The following ZNF382 variants were observed in gnomAD, a reference collection of about 807,000 sequenced individuals.
The protein encoded by ZNF382 is zinc finger protein 382.
ZNF382 carries 20 observed loss-of-function variants against 38.8 expected under a neutral mutation model. That is an observed-to-expected ratio of 0.51 (90% confidence interval 0.36 to 0.75). The LOEUF is 0.75. Ranked by LOEUF, ZNF382 falls within the 30% of genes least tolerant of loss-of-function variation. The pLI is 0.00. For missense variants in ZNF382, 546 were observed against 654.1 expected (o/e 0.83, Z 1.80); for synonymous variants, 202 against 223.1 (o/e 0.91, Z 0.84).
intron 4 of ZNF382, among the ~76,000 whole-genome samples, chr19:36,621,324 G>GTTTTTTTTTTTTTTTTT (rs10557413): frequency 9.6e-6 from 1 of 104,470 alleles, no homozygotes; most frequent in African/African-American, 3.8e-5. Context: ...TTTTTCCCTA[G>GTTTTTTTTTTTTTTTTT]TTTTTTTTTT....
intron 1 of ZNF382, among the ~76,000 whole-genome samples, chr19:36,606,499 G>T (rs2037028296): frequency 6.6e-6 from 1 of 152,004 alleles, no homozygotes; most frequent in South Asian, 2.1e-4. Flanking sequence ...GGGACTACAG[G>T]CTTGTGCCAC....
intron 1 of ZNF382, among the ~76,000 whole-genome samples, chr19:36,606,031 G>A (rs1463280978): frequency 6.6e-6 from 1 of 152,130 alleles, no homozygotes; most frequent in East Asian, 1.9e-4. Flanking sequence ...TGTTACTTCT[G>A]GTGGTTTTGT....
rs1264002396 is a variant in ZNF382 at position 36,633,747 on chromosome 19, T to A, written c.*6197T>A. 1 of 152,112 alleles carries A rather than the reference T, an allele frequency of 6.6e-6. No individual in the cohort carries two copies. The highest frequency in any genetic ancestry group is 1.5e-5 in the Non-Finnish European group (1 of 68,032). 9.4% of individuals were successfully genotyped at this position (152,112 alleles called of 1,614,324 possible). A position where few individuals can be genotyped will look rare whatever the true frequency, so the allele number is the denominator to read the frequency against. Reference sequence around the variant, plus strand: ...CCCAAGATGGAATTCTACTCAACGATAACAATAATGAGCTACTGAAACATG... The same window carrying A: ...CCCAAGATGGAATTCTACTCAACGAAAACAATAATGAGCTACTGAAACATG... On this transcript the variant is annotated 3_prime_UTR_variant, in exon 5 of 5. Coordinates refer to ENST00000292928, the MANE Select transcript of ZNF382 (RefSeq NM_032825.5).
At chr19:36,625,218 G>C (rs1169212102) in intron 4 of ZNF382, among the ~76,000 whole-genome samples, 2 of 147,284 alleles carry the variant, frequency 1.4e-5, no homozygotes, top group Admixed American at 1.4e-4. Context: ...ATGTTTTCCA[G>C]ATTCTCTGCT....
chr19:36,626,238 G>A lies in ZNF382; in HGVS notation c.341G>A (p.Ser114Asn). 6.2e-7 allele frequency: 1 copy of A among 1,608,622 alleles called. No individual in the cohort carries two copies. Among genetic ancestry groups the A allele is most frequent in the East Asian group, 2.2e-5 (1 of 44,776 alleles). The change falls in exon 5 of 5, where the codon AGT becomes AAT. Residue 114 changes from serine (S) to asparagine (N), a missense_variant. Physicochemically the swap from Ser to Asn is conservative, Grantham distance 46. Coordinates refer to ENST00000292928, the MANE Select transcript of ZNF382 (RefSeq NM_032825.5). ...CACAAAAAACTAATTAAGGAGAGAA[G>A]TAATATTTATGGTAAAACATTTACT... ...INHKKLIKER[S>N]NIYGKTFTLG... is the part of the protein sequence containing the mutation.
intron 4 of ZNF382, among the ~76,000 whole-genome samples, chr19:36,617,277 CAA>C (rs1332046066): frequency 3.3e-5 from 5 of 152,122 alleles, no homozygotes; most frequent in Non-Finnish European, 5.9e-5. Context: ...ACCTTTTAAA[CAA>C]AGAAGCCGGT....
In ZNF382 at chr19:36,626,546, T is replaced by A. The variant is rs140960165; in HGVS notation, c.649T>A (p.Cys217Ser). ...AGAGCAACCATTTGACCATAATGAATGTGAAAAATCCTTCCTGATGAAAGG... is the reference window on the plus strand; with the variant it reads ...AGAGCAACCATTTGACCATAATGAAAGTGAAAAATCCTTCCTGATGAAAGG... The part of the protein sequence containing the change: ...APEQPFDHNE[C>S]EKSFLMKGML... Residue 217 changes from cysteine (C) to serine (S), a missense_variant, in exon 5 of 5, where the codon TGT becomes AGT. Transcript: ENST00000292928. 2.0e-5 allele frequency: 32 copies of A among 1,613,332 alleles called. No individual in the cohort carries two copies. In the East Asian group the frequency reaches 6.7e-4, roughly 34 times the overall value.
chr19:36,616,836 A>G (rs2037129738), intron 4 of ZNF382, among the ~76,000 whole-genome samples: 1 of 151,976 alleles, frequency 6.6e-6, no homozygotes, highest in Non-Finnish European at 1.5e-5. Context: ...GAGTGCCCCC[A>G]ATGTGGGGCA....
In ZNF382 at chr19:36,627,759, T is replaced by A; in HGVS notation, c.*209T>A. 2.4e-6 allele frequency: 1 copy of A among 423,184 alleles called. No homozygotes were observed. Among genetic ancestry groups the A allele is most frequent in the Non-Finnish European group, 4.2e-6 (1 of 236,948 alleles). 26.2% of individuals were successfully genotyped at this position (423,184 alleles called of 1,614,324 possible). On this transcript the variant is annotated 3_prime_UTR_variant, in exon 5 of 5. Coordinates refer to ENST00000292928, the MANE Select transcript of ZNF382 (RefSeq NM_032825.5). ...ACAAAAATCATTAAGAAGTCCAAAC[T>A]TTTTTTTTATTACTAGCTTCAGCAG...
rs764667109 is a variant in ZNF382, at chr19:36,626,134, A to C, written c.237A>C (p.Glu79Asp). 1.0e-5 allele frequency: 16 copies of C among 1,536,732 alleles called. No homozygotes were observed. Among genetic ancestry groups the C allele is most frequent in the African/African-American group, 1.4e-5 (1 of 71,926 alleles). Residue 79 changes from glutamate to aspartate, a missense_variant, in exon 5 of 5, where the codon GAA becomes GAC. Glu to Asp is a conservative substitution (Grantham distance 45). Transcript: ENST00000292928. ...RIFPSYSYLE[E>D]DGKTEDVLVK... is the part of the protein sequence containing the mutation. ...GTTAATGGTATTCTTTTCTAGAAGA[A>C]GATGGGAAAACTGAAGATGTCTTAG...
In ZNF382 at chr19:36,633,386, G is replaced by C. The variant is rs1355616062; in HGVS notation, c.*5836G>C. The C allele has an allele frequency of 1.3e-5, 2 of 152,094 alleles. No individual in the cohort carries two copies. Among genetic ancestry groups the C allele is most frequent in the Admixed American group, 6.6e-5 (1 of 15,244 alleles). 9.4% of individuals were successfully genotyped at this position (152,094 alleles called of 1,614,324 possible). A position where few individuals can be genotyped will look rare whatever the true frequency, so the allele number is the denominator to read the frequency against. ...TAGATATGTGACAATACCAAGTGCT[G>C]ACAAGAATGTGGAACAACTGGAACT... On this transcript the variant is annotated 3_prime_UTR_variant, in exon 5 of 5. Transcript: ENST00000292928.
chr19:36,628,047 A>G lies in ZNF382; in HGVS notation c.*497A>G, dbSNP rs1166546698. On this transcript the variant is annotated 3_prime_UTR_variant, in exon 5 of 5. Coordinates refer to ENST00000292928, the MANE Select transcript of ZNF382 (RefSeq NM_032825.5). ...TACAAATTAGTTTTTACTATTATAA[A>G]CCTTTCTATAAATTGGATTATATAT... 6.4e-6 allele frequency: 1 copy of G among 155,182 alleles called. No individual in the cohort carries two copies. Among genetic ancestry groups the G allele is most frequent in the African/African-American group, 2.4e-5 (1 of 41,428 alleles). The allele number at this position is 155,182 out of a possible 1,614,324, so 9.6% of individuals were successfully genotyped here.
chr19:36,606,337 A>G (rs542150110), intron 1 of ZNF382, among the ~76,000 whole-genome samples: 3 of 143,732 alleles, frequency 2.1e-5, no homozygotes, highest in Admixed American at 1.4e-4. Flanking sequence ...TTTTTTTACC[A>G]TAACTACCAC....
intron 4 of ZNF382, among the ~76,000 whole-genome samples, chr19:36,625,204 G>A (rs769516198): frequency 6.9e-6 from 1 of 144,014 alleles, no homozygotes; most frequent in Non-Finnish European, 1.5e-5. Flanking sequence ...TTCCTCATGG[G>A]AATATGTTTT....
intron 4 of ZNF382, among the ~76,000 whole-genome samples, chr19:36,621,696 G>T (rs1424507765): frequency 6.6e-6 from 1 of 152,076 alleles, no homozygotes; most frequent in Admixed American, 6.6e-5. Context: ...GTCATGTAGA[G>T]ATGATTCAAA....
chr19:36,616,992 G>A (rs2037130859), intron 4 of ZNF382, among the ~76,000 whole-genome samples: 1 of 152,120 alleles, frequency 6.6e-6, no homozygotes, highest in Admixed American at 6.5e-5. Flanking sequence ...GTGAGAGGAG[G>A]AAGGAGGAGT....
rs1209373363 is a variant in ZNF382, at chr19:36,627,645, A to G, written c.*95A>G. The G allele has an allele frequency of 4.8e-6, 4 of 839,074 alleles. No homozygotes were observed. The highest frequency in any genetic ancestry group is 2.6e-5 in the East Asian group (1 of 37,810). 52.0% of individuals were successfully genotyped at this position (839,074 alleles called of 1,614,324 possible). A position where few individuals can be genotyped will look rare whatever the true frequency, so the allele number is the denominator to read the frequency against. On this transcript the variant is annotated 3_prime_UTR_variant, in exon 5 of 5. Transcript: ENST00000292928. ...GTAATATCCAACAGTTTAAGGTACT[A>G]TACCACATGGTAACCTACTGTTTGC...
In ZNF382 at chr19:36,626,139, G is replaced by A. The variant is rs2037210731; in HGVS notation, c.242G>A (p.Gly81Glu). Residue 81 changes from glycine to glutamate, a missense_variant, in exon 5 of 5, where the codon GGG becomes GAG. Physicochemically the swap from Gly to Glu is moderately conservative, Grantham distance 98. Coordinates refer to ENST00000292928, the MANE Select transcript of ZNF382 (RefSeq NM_032825.5). The stretch of plus-strand genomic sequence containing the variant: ...TGGTATTCTTTTCTAGAAGAAGATG[G>A]GAAAACTGAAGATGTCTTAGTGAAG... ...FPSYSYLEED[G>E]KTEDVLVKFK... 5.2e-6 allele frequency: 8 copies of A among 1,537,738 alleles called. No homozygotes were observed. Among genetic ancestry groups the A allele is most frequent in the Non-Finnish European group, 5.2e-6 (6 of 1,149,252 alleles).
In ZNF382 at chr19:36,633,765, G is replaced by A. The variant is rs1205328836; in HGVS notation, c.*6215G>A. The A allele has an allele frequency of 6.6e-6, 1 of 152,124 alleles. No homozygotes were observed. Among genetic ancestry groups the A allele is most frequent in the East Asian group, 1.9e-4 (1 of 5,190 alleles). 9.4% of individuals were successfully genotyped at this position (152,124 alleles called of 1,614,324 possible). A position where few individuals can be genotyped will look rare whatever the true frequency, so the allele number is the denominator to read the frequency against. ...TCAACGATAACAATAATGAGCTACT[G>A]AAACATGCAGCTACATAGATGAACC... On this transcript the variant is annotated 3_prime_UTR_variant, in exon 5 of 5. Coordinates refer to ENST00000292928, the MANE Select transcript of ZNF382 (RefSeq NM_032825.5).
Sources: gnomAD v4.1 joint callset for allele counts (sites outside exome capture counted in the v4.1 genomes callset) on GRCh38, gnomAD v4.1.1 for gene constraint, MANE v1.5 for transcripts, NCBI Gene and HGNC (gene_info 2026-07-23, HGNC 2026-07-21) for gene names.